MYO1D: variants seen among roughly 807,000 people sequenced by gnomAD.
The protein encoded by MYO1D is myosin ID, also known as unconventional myosin-Id.
A neutral mutation model predicts 122.0 loss-of-function variants in MYO1D; 83 were observed. The observed-to-expected ratio is 0.68, with a 90% CI of 0.57 to 0.82. The LOEUF (loss-of-function observed/expected upper bound fraction) is 0.82, where lower values mean the gene tolerates loss of function less well. MYO1D is among the 40% of genes least tolerant of loss of function. MYO1D has a pLI of 0.00. For missense variants in MYO1D, 1,157 were observed against 1,269.5 expected (o/e 0.91, Z 1.35); for synonymous variants, 464 against 446.9 (o/e 1.04, Z -0.48).
intron 21 of MYO1D, among the ~76,000 whole-genome samples, chr17:32,597,778 G>C (rs1341370915): frequency 6.9e-6 from 1 of 145,384 alleles, no homozygotes; most frequent in East Asian, 2.1e-4. Context: ...TGAGGCAGGA[G>C]AATTGCTTGA....
chr17:32,831,144 T>C (rs930122151), intron 1 of MYO1D, among the ~76,000 whole-genome samples: 2 of 152,154 alleles, frequency 1.3e-5, no homozygotes, highest in Non-Finnish European at 1.5e-5. Context: ...CAAGAGAATA[T>C]TGTCAGACTT....
At chr17:32,520,648 C>G (rs7219653) in intron 21 of MYO1D, among the ~76,000 whole-genome samples, 9,161 of 152,244 alleles carry the variant, frequency 0.06, 685 homozygotes, top group African/African-American at 0.17. Context: ...GTGGGGCTCC[C>G]CCGATACAGG....
chr17:32,801,776 A>G (rs533193860), intron 1 of MYO1D, among the ~76,000 whole-genome samples: 18 of 152,334 alleles, frequency 1.2e-4, no homozygotes, highest in East Asian at 3.9e-4. Flanking sequence ...GGCAACAACC[A>G]TATCTACCAC....
In MYO1D at chr17:32,765,062, A is replaced by G; in HGVS notation, c.851T>C (p.Val284Ala). The change falls in exon 8 of 22, where the codon GTA becomes GCA. Residue 284 changes from valine to alanine, a missense_variant. Val to Ala is a moderately conservative substitution (Grantham distance 64). Coordinates refer to ENST00000318217, the MANE Select transcript of MYO1D (RefSeq NM_015194.3). ...CTCAATAAGAGGCGTGTCACCATCT[A>G]CTACAAATTTTAAATTTCCCTGTAT... ...ILHLGNLKFV[V>A]DGDTPLIENG... 1 of 1,612,822 alleles carries G rather than the reference A, an allele frequency of 6.2e-7. No individual in the cohort carries two copies. Among genetic ancestry groups the G allele is most frequent in the South Asian group, 1.1e-5 (1 of 91,038 alleles).
chr17:32,747,564 C>T (rs147152834), intron 12 of MYO1D, among the ~76,000 whole-genome samples: 12 of 152,206 alleles, frequency 7.9e-5, no homozygotes, highest in Non-Finnish European at 1.5e-4. Flanking sequence ...CGGCCAGGCT[C>T]GGTGGCTCAT....
chr17:32,553,077 C>CAAAAAAAAAAAAA (rs200769034), intron 21 of MYO1D, among the ~76,000 whole-genome samples: 2 of 105,722 alleles, frequency 1.9e-5, no homozygotes, highest in Admixed American at 9.6e-5. Context: ...TTCTCTAAGA[C>CAAAAAAAAAAAAA]AAAAAAAAAA....
intron 21 of MYO1D, among the ~76,000 whole-genome samples, chr17:32,584,646 C>T (rs1418654326): frequency 6.6e-6 from 1 of 152,032 alleles, no homozygotes; most frequent in African/African-American, 2.4e-5. Context: ...GTGCATGCCA[C>T]CACACCCTGC....
At chr17:32,873,227 A>G (rs894942518) in intron 1 of MYO1D, among the ~76,000 whole-genome samples, 11 of 152,326 alleles carry the variant, frequency 7.2e-5, no homozygotes, top group Admixed American at 5.9e-4. Context: ...TGTACCCAGC[A>G]TTATGCTAGG....
chr17:32,619,080 T>C (rs1464379063), intron 20 of MYO1D, among the ~76,000 whole-genome samples: 2 of 152,140 alleles, frequency 1.3e-5, no homozygotes, highest in Non-Finnish European at 2.9e-5. Flanking sequence ...AACTTGGAGT[T>C]CAGTAGTTTC....
At chr17:32,683,493 G>C (rs1201811815) in intron 16 of MYO1D, among the ~76,000 whole-genome samples, 6 of 152,114 alleles carry the variant, frequency 3.9e-5, no homozygotes, top group Non-Finnish European at 7.4e-5. Context: ...CTGCAGGTCT[G>C]TTGGAATACC....
intron 16 of MYO1D, among the ~76,000 whole-genome samples, chr17:32,672,170 T>A (rs958270647): frequency 6.6e-6 from 1 of 152,206 alleles, no homozygotes; most frequent in African/African-American, 2.4e-5. Flanking sequence ...AATAGGCAGA[T>A]GTTTTTAGCA....
chr17:32,752,905 T>C (rs188872001), intron 11 of MYO1D, among the ~76,000 whole-genome samples: 2 of 152,236 alleles, frequency 1.3e-5, no homozygotes, highest in East Asian at 1.9e-4. Context: ...GTTCTAAAAA[T>C]AGAACTACCA....
At chr17:32,697,757 T>C (rs750803338) in intron 16 of MYO1D, among the ~76,000 whole-genome samples, 3 of 152,226 alleles carry the variant, frequency 2.0e-5, no homozygotes, top group Admixed American at 6.5e-5. Context: ...TTAGTCCACA[T>C]ACTTGACAGT....
intron 16 of MYO1D, among the ~76,000 whole-genome samples, chr17:32,694,278 ACT>A (rs943160884): frequency 2.3e-4 from 31 of 133,880 alleles, no homozygotes; most frequent in African/African-American, 7.8e-4. Context: ...TTTCTTCTAC[ACT>A]CTGAGCTCAT....
intron 21 of MYO1D, among the ~76,000 whole-genome samples, chr17:32,504,121 G>A (rs1171135475): frequency 6.6e-6 from 1 of 152,146 alleles, no homozygotes; most frequent in Non-Finnish European, 1.5e-5. Context: ...GAACCAACTG[G>A]GTCATATCTG....
chr17:32,853,312 C>T (rs1228813113), intron 1 of MYO1D, among the ~76,000 whole-genome samples: 1 of 152,196 alleles, frequency 6.6e-6, no homozygotes, highest in Non-Finnish European at 1.5e-5. Context: ...CCACAGTCTT[C>T]TAAAATGTAA....
At chr17:32,563,574 G>C (rs1567891379) in intron 21 of MYO1D, among the ~76,000 whole-genome samples, 1 of 152,178 alleles carries the variant, frequency 6.6e-6, no homozygotes, top group Non-Finnish European at 1.5e-5. Context: ...AGATTGATCT[G>C]TGTGTGCTTC....
chr17:32,773,682 C>A (rs945625134), intron 4 of MYO1D, among the ~76,000 whole-genome samples: 7 of 152,110 alleles, frequency 4.6e-5, no homozygotes, highest in Admixed American at 3.9e-4. Context: ...TCACACCTGA[C>A]CTAAAACCTA....
chr17:32,686,964 AACACACACACACACACAC>A (rs57125657), intron 16 of MYO1D, among the ~76,000 whole-genome samples: 15 of 145,478 alleles, frequency 1.0e-4, no homozygotes, highest in East Asian at 4.1e-4. Context: ...CCTGTTTCAA[AACACACACACACACACAC>A]ACACACACAC....
Sources: allele counts gnomAD v4.1 joint callset (sites outside exome capture counted in the v4.1 genomes callset), GRCh38; gene constraint gnomAD v4.1.1; transcripts MANE v1.5; gene names NCBI Gene and HGNC (gene_info 2026-07-23, HGNC 2026-07-21).